The following KAZN variants were observed in gnomAD, a reference collection of about 807,000 sequenced individuals.
KAZN encodes kazrin, periplakin interacting protein.
Under a neutral mutation model 87.4 loss-of-function variants are expected in KAZN, and 40 were observed. The ratio of observed to expected loss-of-function variants is 0.46; its 90% CI spans 0.36 to 0.60. The LOEUF is 0.60. Ranked by LOEUF, KAZN falls within the 20% of genes least tolerant of loss-of-function variation. The pLI, the probability that KAZN is intolerant of heterozygous loss-of-function variation, is 0.00. For missense variants in KAZN, 898 were observed against 1,073.9 expected (o/e 0.84, Z 2.29); for synonymous variants, 466 against 458.3 (o/e 1.02, Z -0.22).
intron 1 of KAZN, among the ~76,000 whole-genome samples, chr1:14,760,030 C>T (rs1218283203): frequency 7.9e-5 from 12 of 152,064 alleles, no homozygotes; most frequent in African/African-American, 2.4e-5. Flanking sequence ...TTGAAAGCAG[C>T]GCTCCCTTGC....
intron 1 of KAZN, among the ~76,000 whole-genome samples, chr1:13,934,896 A>G (rs1036429515): frequency 2.0e-5 from 3 of 152,168 alleles, no homozygotes; most frequent in African/African-American, 4.8e-5. Context: ...TGCAGGTTCA[A>G]TGAGAGTTTT....
chr1:14,908,718 A>G (rs1239935661), intron 1 of KAZN, among the ~76,000 whole-genome samples: 1 of 151,852 alleles, frequency 6.6e-6, no homozygotes, highest in African/African-American at 2.4e-5. Context: ...ACCCTGGCTC[A>G]AAAAGAACAT....
intron 2 of KAZN, among the ~76,000 whole-genome samples, chr1:14,517,803 A>G (rs1278881018): frequency 6.6e-6 from 1 of 152,236 alleles, no homozygotes; most frequent in Non-Finnish European, 1.5e-5. Context: ...AACATCATCC[A>G]GTTATTATTT....
chr1:14,798,653 C>T (rs1435647798), intron 1 of KAZN, among the ~76,000 whole-genome samples: 1 of 152,080 alleles, frequency 6.6e-6, no homozygotes, highest in African/African-American at 2.4e-5. Flanking sequence ...CCAAAATGGT[C>T]TCGATCTCCC....
chr1:14,394,696 A>AAGGG lies in KAZN; in HGVS notation c.250-204284_250-204281dup, dbSNP rs532713446. ...TTGTCATTCTTTCCCTCCACTGAAGAAGGGAGCTAACTCCCACTGTTTCTC... is the reference window on the plus strand; with the variant it reads ...TTGTCATTCTTTCCCTCCACTGAAGAAGGGAGGGAGCTAACTCCCACTGTTTCTC... On this transcript the variant is annotated intron_variant, in intron 2 of 16. Transcript: ENST00000636203. Among the ~76,000 whole-genome samples, 9 of 152,332 alleles carry AAGGG rather than the reference A, an allele frequency of 5.9e-5. No homozygotes were observed. The East Asian group carries it at 1.7e-3, about 29-fold the overall frequency.
At chr1:14,546,524 G>A (rs981880860) in intron 2 of KAZN, among the ~76,000 whole-genome samples, 7 of 151,764 alleles carry the variant, frequency 4.6e-5, no homozygotes, top group South Asian at 2.1e-4. Context: ...AATGTTTCTC[G>A]GTGATTTACG....
chr1:14,276,326 C>T (rs1387625229), intron 2 of KAZN, among the ~76,000 whole-genome samples: 2 of 151,788 alleles, frequency 1.3e-5, no homozygotes, highest in African/African-American at 4.8e-5. Context: ...TTTTTCAACT[C>T]CTGTTGAGAA....
rs188575924 is a variant in KAZN, at chr1:14,264,897, G to A, written c.249+84305G>A. 2.6e-5 allele frequency among the ~76,000 whole-genome samples: 4 copies of A among 152,234 alleles called. No homozygotes were observed. The East Asian group carries it at 5.8e-4, about 22-fold the overall frequency. On this transcript the variant is annotated intron_variant, in intron 2 of 16. Transcript: ENST00000636203. ...TCCAGGAAAATCTCTATATTTTAAG[G>A]TCTGTAACCTTTGTTACATCTGCAA...
At chr1:14,063,734 G>A (rs1307185940) in intron 1 of KAZN, among the ~76,000 whole-genome samples, 3 of 152,156 alleles carry the variant, frequency 2.0e-5, no homozygotes, top group Admixed American at 1.3e-4. Context: ...CAAGGGTGGG[G>A]CCAGGTGGAG....
chr1:14,931,597 T>C (rs1659830230), intron 1 of KAZN, among the ~76,000 whole-genome samples: 1 of 152,042 alleles, frequency 6.6e-6, no homozygotes, highest in Admixed American at 6.5e-5. Flanking sequence ...AGGTATAGAT[T>C]CTCAGGCTCC....
intron 2 of KAZN, among the ~76,000 whole-genome samples, chr1:15,006,064 A>G (rs1227612911): frequency 6.6e-6 from 1 of 152,218 alleles, no homozygotes; most frequent in African/African-American, 2.4e-5. Context: ...TGTCAGAGAC[A>G]GTTCCCACCC....
At chr1:14,177,416 GTAACT>G (rs1325128733) in intron 1 of KAZN, among the ~76,000 whole-genome samples, 1 of 152,100 alleles carries the variant, frequency 6.6e-6, no homozygotes, top group East Asian at 1.9e-4. Context: ...TCTGCCTCAA[GTAACT>G]TCTTTAACCT....
chr1:14,890,944 C>T (rs1025586326), intron 1 of KAZN, among the ~76,000 whole-genome samples: 1 of 148,902 alleles, frequency 6.7e-6, no homozygotes, highest in African/African-American at 2.5e-5. Context: ...CCCGGGTTCA[C>T]GCCATTCTCC....
Position 13,992,754 on chromosome 1 carries a change from G to A in KAZN, c.91+98998G>A, listed in dbSNP as rs112657985. Among the ~76,000 whole-genome samples, 1,456 of 152,166 alleles carry A rather than the reference G, an allele frequency of 9.6e-3. 24 individuals carry two copies. Among genetic ancestry groups the A allele is most frequent in the African/African-American group, 0.033 (1,386 of 41,524 alleles). On this transcript the variant is annotated intron_variant, in intron 1 of 16. Transcript: ENST00000636203. ...TTTACTGATGCTGCCTTCTCATTGG[G>A]GGTGGACAATGTGGTCATCCGAGGG...
chr1:13,903,177 G>A (rs1639310040), intron 1 of KAZN, among the ~76,000 whole-genome samples: 1 of 152,220 alleles, frequency 6.6e-6, no homozygotes, highest in Non-Finnish European at 1.5e-5. Context: ...GGCATTCCCA[G>A]CCACCCATCT....
chr1:14,454,064 A>T (rs1357033251), intron 2 of KAZN, among the ~76,000 whole-genome samples: 1 of 152,206 alleles, frequency 6.6e-6, no homozygotes, highest in Non-Finnish European at 1.5e-5. Context: ...TCAACTGGAC[A>T]ATAGGGTGGT....
At chr1:14,188,141 T>C (rs934382868) in intron 2 of KAZN, among the ~76,000 whole-genome samples, 1 of 151,696 alleles carries the variant, frequency 6.6e-6, no homozygotes, top group Non-Finnish European at 1.5e-5. Flanking sequence ...AGACATTCTC[T>C]TTGAACATGA....
At chr1:15,055,803 T>C (rs1674887364) in intron 4 of KAZN, among the ~76,000 whole-genome samples, 1 of 152,218 alleles carries the variant, frequency 6.6e-6, no homozygotes, top group East Asian at 1.9e-4. Context: ...GGTCTCTGTC[T>C]GGATTTGATC....
rs147906932 is a variant in KAZN, at chr1:14,156,832, A to C, written c.92-23603A>C. Reference sequence around the variant, plus strand: ...TCATTGGAGAGTTTAGTCCATTTACATTCCATGCTATTATTGACAAGTAAG... The same window carrying C: ...TCATTGGAGAGTTTAGTCCATTTACCTTCCATGCTATTATTGACAAGTAAG... On this transcript the variant is annotated intron_variant, in intron 1 of 16. Coordinates refer to the KAZN transcript ENST00000636203. Among the ~76,000 whole-genome samples, 6 of 149,466 alleles carry C rather than the reference A, an allele frequency of 4.0e-5. No homozygotes were observed. The East Asian group carries it at 1.2e-3, about 29-fold the overall frequency.
Sources: gnomAD v4.1 joint callset for allele counts (sites outside exome capture counted in the v4.1 genomes callset) on GRCh38, gnomAD v4.1.1 for gene constraint, MANE v1.5 for transcripts, NCBI Gene and HGNC (gene_info 2026-07-23, HGNC 2026-07-21) for gene names.